The following AGBL1 variants were observed in gnomAD, a reference collection of about 807,000 sequenced individuals.
AGBL1 encodes cytosolic carboxypeptidase 4.
A neutral mutation model predicts 118.9 loss-of-function variants in AGBL1; 130 were observed. The ratio of observed to expected loss-of-function variants is 1.09; its 90% CI spans 0.95 to 1.26. The LOEUF (loss-of-function observed/expected upper bound fraction) is 1.26, where lower values mean the gene tolerates loss of function less well. Ranked by LOEUF, AGBL1 falls within the 50% of genes most tolerant of loss-of-function variation. AGBL1 has a pLI of 0.00. For missense variants in AGBL1, 1,584 were observed against 1,298.1 expected, an observed-to-expected ratio of 1.22 and a Z score of -3.38; for synonymous variants, 555 against 478.9, an observed-to-expected ratio of 1.16 and a Z score of -2.08.
At chr15:86,892,553 A>G (rs957965012) in intron 22 of AGBL1, among the ~76,000 whole-genome samples, 5 of 152,174 alleles carry the variant, frequency 3.3e-5, no homozygotes, top group African/African-American at 1.2e-4. Flanking sequence ...CTAAACTTCT[A>G]AATCTCTTTT....
intron 22 of AGBL1, among the ~76,000 whole-genome samples, chr15:86,811,621 A>G (rs1486447539): frequency 1.3e-5 from 2 of 152,186 alleles, no homozygotes; most frequent in East Asian, 1.9e-4. Context: ...ACTTCTATCA[A>G]TCAGCAATCA....
intron 3 of AGBL1, 108 bp from the exon 4 acceptor site, chr15:86,154,322 C>T: frequency 7.8e-7 from 1 of 1,278,316 alleles, no homozygotes; most frequent in Non-Finnish European, 1.1e-6. Context: ...ATGTCTTTGG[C>T]TATGATTATC....
intron 17 of AGBL1, among the ~76,000 whole-genome samples, chr15:86,388,566 G>A (rs4369625): frequency 0.49 from 74,943 of 151,802 alleles, 21,468 homozygotes; most frequent in East Asian, 0.81. Flanking sequence ...TTCAATCAGT[G>A]AGAGGCAGAA....
intron 18 of AGBL1, among the ~76,000 whole-genome samples, chr15:86,430,431 C>T (rs1596105276): frequency 6.7e-6 from 1 of 149,660 alleles, no homozygotes; most frequent in Admixed American, 6.7e-5. Flanking sequence ...GGAGGTGGAG[C>T]TTGCAGTGAG....
chr15:86,830,582 C>T (rs946756846), intron 22 of AGBL1, among the ~76,000 whole-genome samples: 2 of 152,148 alleles, frequency 1.3e-5, no homozygotes, highest in Non-Finnish European at 2.9e-5. Context: ...AAAAACTCAA[C>T]AGCATAAGTT....
chr15:86,385,706 A>G (rs1466147720), intron 17 of AGBL1, among the ~76,000 whole-genome samples: 2 of 152,160 alleles, frequency 1.3e-5, no homozygotes, highest in Admixed American at 1.3e-4. Flanking sequence ...GAATGGGCAC[A>G]TAGTCCTGTC....
At chr15:86,708,826 T>C (rs2086502352) in intron 22 of AGBL1, among the ~76,000 whole-genome samples, 1 of 152,132 alleles carries the variant, frequency 6.6e-6, no homozygotes, top group South Asian at 2.1e-4. Context: ...CTTACTTGGT[T>C]CACAGCATCT....
intron 22 of AGBL1, among the ~76,000 whole-genome samples, chr15:86,820,205 G>A (rs922071925): frequency 6.6e-6 from 1 of 152,122 alleles, no homozygotes; most frequent in Non-Finnish European, 1.5e-5. Context: ...GAAAACCTAG[G>A]TAATACCATT....
At chr15:86,579,042 A>T (rs926910712) in intron 21 of AGBL1, among the ~76,000 whole-genome samples, 2 of 152,176 alleles carry the variant, frequency 1.3e-5, no homozygotes, top group African/African-American at 4.8e-5. Flanking sequence ...CTAGGGTATA[A>T]CAAAAGACTT....
intron 3 of AGBL1, among the ~76,000 whole-genome samples, chr15:86,147,293 C>G (rs1275543764): frequency 6.6e-6 from 1 of 152,214 alleles, no homozygotes; most frequent in Admixed American, 6.5e-5. Context: ...GGAGGGCAAG[C>G]TGAAGCAGGG....
At chr15:86,305,036 C>T (rs754292209) in intron 17 of AGBL1, 2 of 152,108 alleles carry the variant, frequency 1.3e-5, no homozygotes, top group Non-Finnish European at 2.9e-5. Flanking sequence ...GATTCTTATA[C>T]CCAAGGAATA....
chr15:86,858,298 C>T (rs951267968), intron 22 of AGBL1, among the ~76,000 whole-genome samples: 3 of 152,186 alleles, frequency 2.0e-5, no homozygotes, highest in African/African-American at 7.2e-5. Flanking sequence ...ATAGGGACTT[C>T]TAAAACTCAG....
At chr15:86,855,383 G>C (rs1482219718) in intron 22 of AGBL1, among the ~76,000 whole-genome samples, 1 of 152,178 alleles carries the variant, frequency 6.6e-6, no homozygotes, top group Non-Finnish European at 1.5e-5. Flanking sequence ...ATTTCTAAGA[G>C]TGCCTCTTGA....
rs1489864658 is a variant in AGBL1 at position 86,298,256 on chromosome 15, T to TATAC, written c.2374+2851_2374+2852insCATA. Among the ~76,000 whole-genome samples the TATAC allele has an allele frequency of 1.0e-3, 99 of 94,746 alleles. 3 individuals carry two copies. The highest frequency in any genetic ancestry group is 4.4e-3 in the African/African-American group (93 of 21,090). The allele number at this position is 94,746 out of a possible 152,430, so 62.2% of individuals were successfully genotyped here. ...TACGTGTCTGTGTATAATATATATA[T>TATAC]ATATATATATATATATATATATATG... On this transcript the variant is annotated intron_variant, in intron 17 of 22. Transcript: ENST00000614907.
At chr15:86,528,183 T>G (rs1157068312) in intron 19 of AGBL1, among the ~76,000 whole-genome samples, 1 of 152,168 alleles carries the variant, frequency 6.6e-6, no homozygotes, top group Non-Finnish European at 1.5e-5. Flanking sequence ...TTTCTGCATT[T>G]CCATCTGAGG....
intron 24 of AGBL1, among the ~76,000 whole-genome samples, chr15:87,001,488 T>C (rs1054164197): frequency 6.6e-6 from 1 of 152,058 alleles, no homozygotes; most frequent in Non-Finnish European, 1.5e-5. Context: ...CCTTTGAGTA[T>C]ATAACCAGTA....
intron 1 of AGBL1, among the ~76,000 whole-genome samples, chr15:86,141,027 C>T (rs2076955851): frequency 6.6e-6 from 1 of 152,114 alleles, no homozygotes; most frequent in Non-Finnish European, 1.5e-5. Flanking sequence ...AAGGCTTTGC[C>T]TTAAATAAAA....
At chr15:86,523,186 T>C (rs1477961752) in intron 19 of AGBL1, among the ~76,000 whole-genome samples, 3 of 152,216 alleles carry the variant, frequency 2.0e-5, no homozygotes, top group Non-Finnish European at 2.9e-5. Flanking sequence ...AATCAGGGTG[T>C]TGGCAGGATC....
intron 1 of AGBL1, among the ~76,000 whole-genome samples, chr15:86,112,672 G>A (rs1290742727): frequency 2.6e-5 from 4 of 152,146 alleles, no homozygotes; most frequent in East Asian, 1.9e-4. Flanking sequence ...TTTCTAAATC[G>A]CCAATCCAGG....
Sources: gnomAD v4.1 joint callset for allele counts (sites outside exome capture counted in the v4.1 genomes callset) on GRCh38, gnomAD v4.1.1 for gene constraint, MANE v1.5 for transcripts, NCBI Gene and HGNC (gene_info 2026-07-23, HGNC 2026-07-21) for gene names.